Variants in RORA observed in about 807,000 individuals in gnomAD.
The protein encoded by RORA is RAR related orphan receptor A.
A neutral mutation model predicts 69.5 loss-of-function variants in RORA; 7 were observed. The ratio of observed to expected loss-of-function variants is 0.10; its 90% CI spans 0.06 to 0.19. The LOEUF (loss-of-function observed/expected upper bound fraction) is 0.19, where lower values mean the gene tolerates loss of function less well. Ranked by LOEUF, RORA falls within the 10% of genes least tolerant of loss-of-function variation. RORA has a pLI of 1.00. For synonymous variants in RORA, 261 were observed against 240.8 expected, an observed-to-expected ratio of 1.08 and a Z score of -0.78; for missense variants, 457 against 663.0, an observed-to-expected ratio of 0.69 and a Z score of 3.41.
At chr15:61,001,680 G>T (rs1489662960) in intron 1 of RORA, among the ~76,000 whole-genome samples, 1 of 152,192 alleles carries the variant, frequency 6.6e-6, no homozygotes, top group Non-Finnish European at 1.5e-5. Flanking sequence ...AACTGTGCTG[G>T]CAGAGTTCAC....
chr15:61,206,792 C>A (rs1450477986), intron 1 of RORA, among the ~76,000 whole-genome samples: 7 of 152,294 alleles, frequency 4.6e-5, no homozygotes, highest in Admixed American at 6.5e-5. Context: ...AGGCTCAGCA[C>A]ACGGGAGGGT....
chr15:60,516,185 T>TTATATATATATTTATATATATATTTA (rs1214672439), intron 3 of RORA, among the ~76,000 whole-genome samples: 1 of 19,268 alleles, frequency 5.2e-5, no homozygotes, highest in Non-Finnish European at 8.5e-5. Context: ...ATATATATAT[T>TTATATATATATTTATATATATATTTA]TATATATATA....
chr15:60,801,652 C>T (rs942603854), intron 1 of RORA, among the ~76,000 whole-genome samples: 10 of 152,220 alleles, frequency 6.6e-5, no homozygotes, highest in Non-Finnish European at 1.3e-4. Context: ...CAAATGCCCC[C>T]AGTGCAGCCG....
intron 1 of RORA, among the ~76,000 whole-genome samples, chr15:61,080,238 C>T (rs1402182751): frequency 6.6e-6 from 1 of 152,192 alleles, no homozygotes; most frequent in African/African-American, 2.4e-5. Context: ...CTTTATTCAT[C>T]CTTTAGTCTA....
intron 1 of RORA, among the ~76,000 whole-genome samples, chr15:60,872,326 A>G (rs1039210486): frequency 6.6e-6 from 1 of 152,214 alleles, no homozygotes; most frequent in African/African-American, 2.4e-5. Context: ...AGGATAACAA[A>G]TTCAAAATGC....
chr15:61,104,268 A>G (rs987011897), intron 1 of RORA, among the ~76,000 whole-genome samples: 4 of 152,220 alleles, frequency 2.6e-5, no homozygotes, highest in African/African-American at 9.7e-5. Flanking sequence ...GAAAATTAAC[A>G]AACGCACCTA....
At chr15:61,124,399 C>T (rs1225126552) in intron 1 of RORA, among the ~76,000 whole-genome samples, 2 of 152,132 alleles carry the variant, frequency 1.3e-5, no homozygotes, top group Non-Finnish European at 2.9e-5. Flanking sequence ...GCTCCTGAAG[C>T]GTTTGATGCC....
intron 2 of RORA, among the ~76,000 whole-genome samples, chr15:60,671,865 G>A (rs1323333311): frequency 6.6e-6 from 1 of 151,746 alleles, no homozygotes; most frequent in Admixed American, 6.6e-5. Context: ...GCCTGCCTCG[G>A]CCTCCCAAAG....
intron 1 of RORA, among the ~76,000 whole-genome samples, chr15:61,034,788 C>CAAAAAAAAAAAAAAAAAAAAAAAAAAAA: frequency 1.2e-5 from 1 of 83,008 alleles, no homozygotes; most frequent in Non-Finnish European, 2.4e-5. Context: ...CATCACAGAC[C>CAAAAAAAAAAAAAAAAAAAAAAAAAAAA]AAAAAAAAAA....
At chr15:61,104,885 T>C (rs994397996) in intron 1 of RORA, among the ~76,000 whole-genome samples, 2 of 152,188 alleles carry the variant, frequency 1.3e-5, no homozygotes, top group Non-Finnish European at 2.9e-5. Context: ...TCCCCCATAC[T>C]GAACCATCTG....
intron 1 of RORA, among the ~76,000 whole-genome samples, chr15:61,010,319 C>T (rs566775360): frequency 3.5e-4 from 54 of 152,270 alleles, no homozygotes; most frequent in African/African-American, 1.3e-3. Flanking sequence ...GTAGAGTCAT[C>T]TTGAGTCCCA....
At chr15:61,129,567 T>C (rs1368188120) in intron 1 of RORA, among the ~76,000 whole-genome samples, 1 of 152,184 alleles carries the variant, frequency 6.6e-6, no homozygotes, top group Admixed American at 6.5e-5. Context: ...AGCCAATGCC[T>C]GGTACCTTTT....
At chr15:60,716,479 C>T (rs769507566) in intron 1 of RORA, among the ~76,000 whole-genome samples, 6 of 152,198 alleles carry the variant, frequency 3.9e-5, no homozygotes, top group Non-Finnish European at 8.8e-5. Context: ...GTAATTCTCT[C>T]TGAGCCACAT....
chr15:61,093,648 T>C (rs9806146), intron 1 of RORA, among the ~76,000 whole-genome samples: 55,785 of 151,882 alleles, frequency 0.37, 10,535 homozygotes, highest in African/African-American at 0.43. Context: ...TTCTATAGAA[T>C]TGCTCTTTGC....
intron 1 of RORA, among the ~76,000 whole-genome samples, chr15:60,898,104 T>C (rs1286990343): frequency 6.6e-6 from 1 of 152,216 alleles, no homozygotes; most frequent in Non-Finnish European, 1.5e-5. Flanking sequence ...TACTGCCTCA[T>C]GCAATAGATG....
intron 1 of RORA, among the ~76,000 whole-genome samples, chr15:60,984,152 T>C (rs895670761): frequency 2.0e-5 from 3 of 152,164 alleles, no homozygotes; most frequent in African/African-American, 7.2e-5. Context: ...TATACAATTA[T>C]TTTCTGATTC....
intron 1 of RORA, among the ~76,000 whole-genome samples, chr15:61,032,297 G>C (rs918719397): frequency 5.3e-5 from 8 of 152,166 alleles, no homozygotes; most frequent in African/African-American, 1.9e-4. Flanking sequence ...CAGAAGTGTT[G>C]AACTGAAGAA....
At chr15:60,506,344 C>T (rs1306086419) in intron 5 of RORA, among the ~76,000 whole-genome samples, 2 of 152,110 alleles carry the variant, frequency 1.3e-5, no homozygotes, top group African/African-American at 4.8e-5. Flanking sequence ...GGGAGGATTA[C>T]TTAGAATGTG....
At chr15:60,850,207 G>A (rs2073309405) in intron 1 of RORA, among the ~76,000 whole-genome samples, 1 of 152,222 alleles carries the variant, frequency 6.6e-6, no homozygotes, top group South Asian at 2.1e-4. Context: ...GTTTAGGGTC[G>A]AAATAACATG....
Sources: allele counts gnomAD v4.1 joint callset (sites outside exome capture counted in the v4.1 genomes callset), GRCh38; gene constraint gnomAD v4.1.1; transcripts MANE v1.5; gene names NCBI Gene and HGNC (gene_info 2026-07-23, HGNC 2026-07-21).